Variants in FASN observed in about 807,000 individuals in gnomAD.
FASN encodes the protein 3-hydroxyacyl-[acyl-carrier-protein] dehydratase.
FASN carries 50 observed loss-of-function variants against 250.0 expected under a neutral mutation model. The observed-to-expected ratio is 0.20, with a 90% CI of 0.16 to 0.25. FASN has a LOEUF of 0.25. Among genes scored for constraint, FASN ranks in the 10% least tolerant of loss-of-function variants. FASN has a pLI of 1.00. For missense variants in FASN, 3,031 were observed against 3,498.5 expected (o/e 0.87, Z 3.37); for synonymous variants, 1,909 against 1,584.0 (o/e 1.21, Z -4.87).
Position 82,082,642 on chromosome 17 carries a change from T to A in FASN, c.5804A>T (p.Gln1935Leu), listed in dbSNP as rs1485047233. 5.0e-6 allele frequency: 8 copies of A among 1,610,556 alleles called. No homozygotes were observed. The highest frequency in any genetic ancestry group is 6.8e-6 in the Non-Finnish European group (8 of 1,179,894). The change falls in exon 34 of 43, where the codon CAG (glutamine) becomes CTG (leucine). Residue 1935 changes from glutamine to leucine, a missense_variant. By Grantham distance (113) the Gln-to-Leu change is moderately radical (BLOSUM62 -2). Coordinates refer to ENST00000306749, the MANE Select transcript of FASN (RefSeq NM_004104.5). ...QAKQVRRWRR[Q>L]GVQVQVSTSN... ...GGTGGACACCTGCACCTGTACGCCCTGGCGCCTCCACCGGCGGACCTGCTT... is the reference window on the plus strand; with the variant it reads ...GGTGGACACCTGCACCTGTACGCCCAGGCGCCTCCACCGGCGGACCTGCTT...
Position 82,086,482 on chromosome 17 carries a change from C to G in FASN, c.3504G>C (p.Gln1168His). Residue 1168 changes from glutamine (Q) to histidine (H), a missense_variant, in exon 22 of 43, where the codon CAG becomes CAC. Coordinates refer to ENST00000306749, the MANE Select transcript of FASN (RefSeq NM_004104.5). ...KMVVPGLDGAQIPRDPSQQEL... is the reference protein window; with the variant it reads ...KMVVPGLDGAHIPRDPSQQEL... ...CCTGCTGTGAGGGGTCCCGGGGGAT[C>G]TGGGCCCCATCCAGTCCGGGCACCA... 2 of 1,612,614 alleles carry G rather than the reference C, an allele frequency of 1.2e-6. No homozygotes were observed. Among genetic ancestry groups the G allele is most frequent in the Non-Finnish European group, 1.7e-6 (2 of 1,179,994 alleles).
rs151047127 is a variant in FASN, at chr17:82,078,717, G to A, written c.*426C>T. ...CTTGGGTGGCTGCCCGCGCCCGCAG[G>A]GGACATCGGGGAAATGGGGGCAGAG... On this transcript the variant is annotated 3_prime_UTR_variant, in exon 43 of 43. Coordinates refer to ENST00000306749, the MANE Select transcript of FASN (RefSeq NM_004104.5). The surrounding 1 kb of genome is among the most constrained non-coding windows in gnomAD (Gnocchi z 5.4). The A allele has an allele frequency of 3.6e-4, 94 of 262,638 alleles. No individual in the cohort carries two copies. Among genetic ancestry groups the A allele is most frequent in the African/African-American group, 1.9e-3 (84 of 44,550 alleles). 16.3% of individuals were successfully genotyped at this position (262,638 alleles called of 1,614,324 possible).
chr17:82,086,442 A>G lies in FASN; in HGVS notation c.3544T>C (p.Leu1182=). The change falls in exon 22 of 43, where the codon TTG becomes CTG. Residue 1182 remains leucine (L), a synonymous_variant. Transcript: ENST00000306749. ...DPSQQELPRL[L]SAACRLQLNG... Reference sequence around the variant, plus strand: ...AGCTGAAGCCTGCAGGCAGCCGACAACAGCCGGGGCAGTTCCTGCTGTGAG... The same window carrying G: ...AGCTGAAGCCTGCAGGCAGCCGACAGCAGCCGGGGCAGTTCCTGCTGTGAG... The G allele has an allele frequency of 6.2e-7, 1 of 1,612,188 alleles. No homozygotes were observed. The highest frequency in any genetic ancestry group is 8.5e-7 in the Non-Finnish European group (1 of 1,179,924).
At chr17:82,086,073 C>T (rs541992771) in intron 22 of FASN, among the ~76,000 whole-genome samples, 181 bp downstream of exon 22, 3 of 152,322 alleles carry the variant, frequency 2.0e-5, no homozygotes, top group South Asian at 2.1e-4. Flanking sequence ...AGCCCACGGG[C>T]GGACCCTCCA....
chr17:82,089,445 G>T, intron 12 of FASN, 61 bp from the exon 13 acceptor site: 1 of 1,612,014 alleles, frequency 6.2e-7, no homozygotes, highest in East Asian at 2.2e-5. Context: ...GGCTCGGAGA[G>T]GTAGGGCGCA....
At chr17:82,080,314 ACAGGTGGGGAGCC>A (rs1292381406) in intron 40 of FASN, 43 bp downstream of exon 40, 1 of 1,610,270 alleles carries the variant, frequency 6.2e-7, no homozygotes, top group Non-Finnish European at 8.5e-7. Context: ...AAGCCAGGGC[ACAGGTGGGGAGCC>A]CAGACGTTTG....
At chr17:82,094,598 G>A (rs1765115000) in intron 3 of FASN, among the ~76,000 whole-genome samples, 1 of 151,864 alleles carries the variant, frequency 6.6e-6, no homozygotes, top group Non-Finnish European at 1.5e-5. Context: ...AGACCATCCT[G>A]GCAAACATGG....
intron 3 of FASN, among the ~76,000 whole-genome samples, chr17:82,094,817 T>A (rs1409298245): frequency 1.3e-5 from 2 of 148,680 alleles, no homozygotes; most frequent in Non-Finnish European, 3.0e-5. Flanking sequence ...AAAATAAAAA[T>A]AAAAAAACGG....
chr17:82,093,576 C>T (rs542112793), intron 4 of FASN, 22 bp downstream of exon 4: 2 of 1,612,716 alleles, frequency 1.2e-6, no homozygotes, highest in East Asian at 2.2e-5. Context: ...CCCACCTCCG[C>T]AGGAGGCTGG....
Position 82,091,010 on chromosome 17 carries a change from C to A in FASN, c.1552G>T (p.Asp518Tyr). ...GCCTCATCGGAGCGTAGGATGGAAT[C>A]TCGGAAGCGGTCCAGGCGCATGAGG... ...LSLMRLDRFR[D>Y]SILRSDEAVK... The change falls in exon 10 of 43, where the codon GAT (aspartate) becomes TAT (tyrosine). Residue 518 changes from aspartate (D) to tyrosine (Y), a missense_variant. Physicochemically the swap from Asp to Tyr is radical, Grantham distance 160 (BLOSUM62 -3). Coordinates refer to ENST00000306749, the MANE Select transcript of FASN (RefSeq NM_004104.5). 1 of 1,612,830 alleles carries A rather than the reference C, an allele frequency of 6.2e-7. No individual in the cohort carries two copies.
rs2034255320 is a variant in FASN, at chr17:82,093,711, G to C, written c.341C>G (p.Ser114Cys). ...HTGVWVGVSG[S>C]ETSEALSRDP... Reference sequence around the variant, plus strand: ...TCGGCTCAGGGCCTCCGAGGTCTCAGAGCCGCTCACGCCCACCCAGACGCC... The same window carrying C: ...TCGGCTCAGGGCCTCCGAGGTCTCACAGCCGCTCACGCCCACCCAGACGCC... Residue 114 changes from serine to cysteine, a missense_variant, in exon 4 of 43, where the codon TCT becomes TGT. Ser to Cys is a moderately radical substitution (Grantham distance 112). Transcript: ENST00000306749. 5 of 1,612,764 alleles carry C rather than the reference G, an allele frequency of 3.1e-6. No homozygotes were observed. In the South Asian group the frequency reaches 4.4e-5, roughly 14 times the overall value.
intron 8 of FASN, 126 bp from the exon 9 acceptor site, chr17:82,091,810 C>T: frequency 2.4e-6 from 2 of 848,944 alleles, no homozygotes; most frequent in Non-Finnish European, 3.6e-6. Flanking sequence ...GATGCACTTC[C>T]TGTCCCCAAC....
At chr17:82,080,050 C>T (rs2033959668) in intron 41 of FASN, 90 bp downstream of exon 41, 17 of 1,385,490 alleles carry the variant, frequency 1.2e-5, no homozygotes, top group Non-Finnish European at 1.5e-5. Flanking sequence ...GCCTTTAACG[C>T]TCTTCGCGTC....
chr17:82,093,045 G>A (rs367843670), intron 5 of FASN, 26 bp from the exon 6 acceptor site: 31 of 1,610,072 alleles, frequency 1.9e-5, no homozygotes, highest in Middle Eastern at 3.8e-4. Context: ...CCTCAGGCCC[G>A]GGGCTCAGCC....
Position 82,085,410 on chromosome 17 carries a change from G to A in FASN, c.4123-8C>T, listed in dbSNP as rs758248262. 1.7e-5 allele frequency: 27 copies of A among 1,608,476 alleles called. No homozygotes were observed. The highest frequency in any genetic ancestry group is 1.7e-6 in the Non-Finnish European group (2 of 1,178,366). ...GAGGCTCTCCCACGCGTCCTGTGGG[G>A]GCGGTGGTCAGCACCCTGCCCGCCT... On this transcript the variant is annotated splice_polypyrimidine_tract_variant and splice_region_variant and intron_variant, in intron 23 of 42. Transcript: ENST00000306749.
Position 82,080,133 on chromosome 17 carries a change from G to C in FASN, c.7146+7C>G. 1.2e-6 allele frequency: 2 copies of C among 1,612,150 alleles called. No homozygotes were observed. Among genetic ancestry groups the C allele is most frequent in the Non-Finnish European group, 1.7e-6 (2 of 1,179,136 alleles). On this transcript the variant is annotated splice_region_variant and intron_variant, in intron 41 of 42. Transcript: ENST00000306749. Reference sequence around the variant, plus strand: ...GTCCTGCGGCCTCAGGGGTGTCCAGGACCCACCCTGTTGTGCTCCATGTCC... The same window carrying C: ...GTCCTGCGGCCTCAGGGGTGTCCAGCACCCACCCTGTTGTGCTCCATGTCC...
intron 3 of FASN, among the ~76,000 whole-genome samples, chr17:82,094,702 T>C (rs938255306): frequency 2.0e-5 from 3 of 151,504 alleles, no homozygotes; most frequent in African/African-American, 7.3e-5. Flanking sequence ...GGCAGGAGAA[T>C]GGTGTGAACC....
intron 8 of FASN, 110 bp downstream of exon 8, chr17:82,092,345 G>A (rs1326353894): frequency 1.7e-6 from 2 of 1,207,784 alleles, no homozygotes; most frequent in East Asian, 2.6e-5. Flanking sequence ...CTCCTGGTGG[G>A]GAAGCCCCCG....
chr17:82,096,228 G>A, intron 2 of FASN, 91 bp downstream of exon 2: 1 of 1,587,350 alleles, frequency 6.3e-7, no homozygotes, highest in East Asian at 2.2e-5. Context: ...CCTGGGTGGT[G>A]AGGACACAGC....
Sources: allele counts gnomAD v4.1 joint callset (sites outside exome capture counted in the v4.1 genomes callset), GRCh38; gene constraint gnomAD v4.1.1; non-coding constraint Gnocchi (gnomAD v3.1); transcripts MANE v1.5; gene names NCBI Gene and HGNC (gene_info 2026-07-23, HGNC 2026-07-21).